CFAP70: variants seen among roughly 807,000 people sequenced by gnomAD.
CFAP70 encodes cilia and flagella associated protein 70.
In CFAP70, 81 loss-of-function variants were observed where a neutral mutation model predicts 137.6. The observed-to-expected ratio is 0.59, with a 90% CI of 0.49 to 0.71. CFAP70 has a LOEUF of 0.71. Ranked by LOEUF, CFAP70 falls within the 30% of genes least tolerant of loss-of-function variation. The pLI is 0.00. For synonymous variants in CFAP70, 382 were observed against 423.6 expected (o/e 0.90, Z 1.20); for missense variants, 976 against 1,226.7 (o/e 0.80, Z 3.05).
chr10:73,272,434 G>T (rs2046386892), intron 24 of CFAP70, among the ~76,000 whole-genome samples: 1 of 152,174 alleles, frequency 6.6e-6, no homozygotes, highest in South Asian at 2.1e-4. Flanking sequence ...AAATTAGGCA[G>T]GAACAAGAGG....
In CFAP70 at chr10:73,312,453, T is replaced by C; in HGVS notation, c.1083+20A>G. On this transcript the variant is annotated intron_variant, in intron 10 of 26. Transcript: ENST00000310715. Reference sequence around the variant, plus strand: ...GAATGTAATCTAAGAGGCAAAATCATCACCTTCTCAACAACCTACCACATC... The same window carrying C: ...GAATGTAATCTAAGAGGCAAAATCACCACCTTCTCAACAACCTACCACATC... 5 of 1,552,852 alleles carry C rather than the reference T, an allele frequency of 3.2e-6. No individual in the cohort carries two copies. The highest frequency in any genetic ancestry group is 4.3e-6 in the Non-Finnish European group (5 of 1,150,378).
chr10:73,354,642 A>T, intron 2 of CFAP70, 92 bp downstream of exon 2: 1 of 966,234 alleles, frequency 1.0e-6, no homozygotes, highest in Non-Finnish European at 1.6e-6. Context: ...TAAAGCCAGG[A>T]GGTTTGGAGG....
In CFAP70 at chr10:73,256,366, T is replaced by C. The variant is rs1468686998; in HGVS notation, c.3075+3A>G. 6.2e-7 allele frequency: 1 copy of C among 1,614,008 alleles called. No individual in the cohort carries two copies. The highest frequency in any genetic ancestry group is 8.5e-7 in the Non-Finnish European group (1 of 1,179,994). On this transcript the variant is annotated splice_donor_region_variant and intron_variant, in intron 26 of 26. Coordinates refer to ENST00000310715, the Ensembl canonical transcript of CFAP70. ...GCAAATGACAGAGGCATCTGTGTCA[T>C]ACCTTGATCATGTACTTGTAGGCCT...
intron 12 of CFAP70, among the ~76,000 whole-genome samples, chr10:73,306,117 A>G (rs74714568): frequency 0.045 from 6,828 of 152,192 alleles, 464 homozygotes; most frequent in African/African-American, 0.15. Context: ...CTGAAGATGG[A>G]ACAATTAAAA....
intron 5 of CFAP70, 146 bp from the exon 7 acceptor site, chr10:73,341,727 T>C: frequency 1.5e-6 from 1 of 670,612 alleles, no homozygotes; most frequent in East Asian, 2.7e-5. Flanking sequence ...GAGGGGCCTG[T>C]GCCCTTCATT....
At chr10:73,257,097 T>C (rs2044602252) in intron 25 of CFAP70, among the ~76,000 whole-genome samples, 1 of 152,154 alleles carries the variant, frequency 6.6e-6, no homozygotes, top group African/African-American at 2.4e-5. Context: ...TTATTGATGT[T>C]GTTTTTAGTG....
At chr10:73,262,821 A>G (rs2045393786) in intron 25 of CFAP70, among the ~76,000 whole-genome samples, 1 of 152,148 alleles carries the variant, frequency 6.6e-6, no homozygotes, top group South Asian at 2.1e-4. Context: ...AAAAATATAG[A>G]AAAGTTAAAA....
In CFAP70 at chr10:73,347,838, G is replaced by A. The variant is rs7909409; in HGVS notation, c.349+585C>T. On this transcript the variant is annotated intron_variant, in intron 4 of 26. Transcript: ENST00000310715. ...TTTCATATACTACTTGAGCCATCAG[G>A]ACATAGCTCAAGAGTTATTTCCATG... Among the ~76,000 whole-genome samples the A allele has an allele frequency of 5.6e-3, 846 of 152,248 alleles. 5 individuals carry two copies. The highest frequency in any genetic ancestry group is 6.1e-3 in the Non-Finnish European group (418 of 68,028).
chr10:73,286,769 A>G (rs1449315173), intron 19 of CFAP70, among the ~76,000 whole-genome samples: 9 of 152,184 alleles, frequency 5.9e-5, no homozygotes, highest in Non-Finnish European at 1.3e-4. Flanking sequence ...CCATAAACAG[A>G]GTATTACCCA....
At chr10:73,299,234 C>CCTTGTCTCTAA in intron 13 of CFAP70, 133 bp from the exon 15 acceptor site, 3 of 702,894 alleles carry the variant, frequency 4.3e-6, no homozygotes, top group Non-Finnish European at 6.8e-6. Flanking sequence ...GTTTTAGAGA[C>CCTTGTCTCTAA]AAGGTCTCTC....
chr10:73,306,593 C>G (rs918379112), intron 12 of CFAP70, among the ~76,000 whole-genome samples: 2 of 152,078 alleles, frequency 1.3e-5, no homozygotes, highest in Admixed American at 6.5e-5. Flanking sequence ...AATTCTATAT[C>G]CAGGTGTCTC....
chr10:73,264,504 T>C (rs2133627096), intron 25 of CFAP70, among the ~76,000 whole-genome samples: 1 of 152,370 alleles, frequency 6.6e-6, no homozygotes, highest in African/African-American at 2.4e-5. Flanking sequence ...TCTATCCTTC[T>C]TGTTTCCACA....
intron 3 of CFAP70, among the ~76,000 whole-genome samples, chr10:73,351,037 G>A (rs1330761331): frequency 2.2e-5 from 3 of 134,522 alleles, no homozygotes; most frequent in Non-Finnish European, 4.7e-5. Context: ...GTGTATATGT[G>A]TGTATATATG....
intron 8 of CFAP70, among the ~76,000 whole-genome samples, chr10:73,326,911 A>T (rs533247252): frequency 5.4e-4 from 82 of 151,866 alleles, no homozygotes; most frequent in Admixed American, 1.6e-3. Flanking sequence ...CAGAGGTACA[A>T]GGAGGAACTG....
intron 9 of CFAP70, among the ~76,000 whole-genome samples, chr10:73,318,658 A>T (rs1451822089): frequency 6.6e-6 from 1 of 152,228 alleles, no homozygotes; most frequent in African/African-American, 2.4e-5. Context: ...ACTTGCCTGA[A>T]GTCATCCAGC....
At chr10:73,272,967 T>C (rs1564762744) in exon 24 of CFAP70, 2 of 1,553,118 alleles carry the variant, frequency 1.3e-6, no homozygotes, top group Non-Finnish European at 1.7e-6. Flanking sequence ...AGGTAAGGCA[T>C]GAAGGTGATC....
chr10:73,335,629 G>C (rs2052566952), intron 6 of CFAP70, 105 bp from the exon 8 acceptor site: 1 of 663,092 alleles, frequency 1.5e-6, no homozygotes, highest in Non-Finnish European at 2.4e-6. Context: ...ACTTTTCTTA[G>C]TATTATTACT....
chr10:73,335,603 T>C (rs1409732954), intron 6 of CFAP70, 79 bp from the exon 8 acceptor site: 4 of 989,480 alleles, frequency 4.0e-6, no homozygotes, highest in Admixed American at 2.3e-5. Flanking sequence ...ATTCTTTTAA[T>C]GGATTTGTTC....
chr10:73,333,080 G>C (rs988225360), intron 7 of CFAP70, among the ~76,000 whole-genome samples: 13 of 152,050 alleles, frequency 8.5e-5, no homozygotes, highest in Non-Finnish European at 1.5e-4. Context: ...CTCTAAGAAA[G>C]AATCAAAAGG....
Sources: allele counts gnomAD v4.1 joint callset (sites outside exome capture counted in the v4.1 genomes callset), GRCh38; gene constraint gnomAD v4.1.1; transcripts MANE v1.5; gene names NCBI Gene and HGNC (gene_info 2026-07-23, HGNC 2026-07-21).